The following TP53I13 variants were observed in gnomAD, a reference collection of about 807,000 sequenced individuals.
TP53I13 encodes the protein tumor protein p53 inducible protein 13, also known as tumor protein p53-inducible protein 13.
Under a neutral mutation model 39.1 loss-of-function variants are expected in TP53I13, and 27 were observed. That is an observed-to-expected ratio of 0.69 (90% CI 0.51 to 0.95). TP53I13 has a LOEUF of 0.95. Among genes scored for constraint, TP53I13 ranks in the 40% least tolerant of loss-of-function variants. The pLI is 0.00. For synonymous variants in TP53I13, 230 were observed against 224.6 expected, an observed-to-expected ratio of 1.02 and a Z score of -0.22; for missense variants, 544 against 520.4, an observed-to-expected ratio of 1.05 and a Z score of -0.44.
chr17:29,578,531 A>G, the TP53I13 span, among the ~76,000 whole-genome samples: 1 of 152,206 alleles, frequency 6.6e-6, no homozygotes, highest in Non-Finnish European at 1.5e-5. Flanking sequence ...ATCATGTTCC[A>G]AACTCCAAGG....
downstream of TP53I13, chr17:29,577,747 AG>A: frequency 6.3e-7 from 1 of 1,586,306 alleles, no homozygotes; most frequent in Non-Finnish European, 8.7e-7. Context: ...GCCACACTGT[AG>A]GGGACGGACA....
rs2032812200 is a variant in TP53I13 at position 29,568,884 on chromosome 17, C to T, written c.72+54C>T. 1.3e-6 allele frequency: 2 copies of T among 1,599,194 alleles called. No individual in the cohort carries two copies. Among genetic ancestry groups the T allele is most frequent in the Non-Finnish European group, 1.7e-6 (2 of 1,178,098 alleles). ...CGGCCCGCGAGCTCAAAGCGCTTTG[C>T]CAAAAGTTCGTCCTGGAAGGAGTGG... On this transcript the variant is annotated intron_variant, in intron 1 of 6. Coordinates refer to ENST00000301057, the MANE Select transcript of TP53I13 (RefSeq NM_138349.4). This position sits in a 1 kb window ranked among gnomAD's most constrained non-coding sequence, Gnocchi z 4.5.
At chr17:29,572,115 G>T (rs780298645) in intron 5 of TP53I13, 27 bp from the exon 6 acceptor site, 1 of 1,610,336 alleles carries the variant, frequency 6.2e-7, no homozygotes, top group Non-Finnish European at 8.5e-7. Context: ...GGGGCAGCAG[G>T]GTGATTGCTC....
At chr17:29,575,493 A>G, downstream of TP53I13, 3 of 1,591,776 alleles carry the variant, frequency 1.9e-6, no homozygotes, top group Non-Finnish European at 2.6e-6. The surrounding 1 kb of genome is among the most constrained non-coding windows in gnomAD (Gnocchi z 5.5). Flanking sequence ...TCCAGAAAAC[A>G]GAGACAAAGA....
At chr17:29,567,060 G>T, upstream of TP53I13, 1 of 1,089,064 alleles carries the variant, frequency 9.2e-7, no homozygotes, top group African/African-American at 1.7e-5. This position sits in a 1 kb window ranked among gnomAD's most constrained non-coding sequence, Gnocchi z 6.6. Flanking sequence ...GCCGGCGGCG[G>T]CTGCCCAGGG....
At chr17:29,567,132 C>A (rs1217139626), upstream of TP53I13, 5 of 346,154 alleles carry the variant, frequency 1.4e-5, no homozygotes, top group Non-Finnish European at 2.2e-5. The surrounding 1 kb of genome is among the most constrained non-coding windows in gnomAD (Gnocchi z 6.6). Flanking sequence ...AGTTCGGGCC[C>A]GGCTGCCCTC....
At chr17:29,576,736 G>GT (rs2033219067), downstream of TP53I13, 3 of 1,600,754 alleles carry the variant, frequency 1.9e-6, no homozygotes, top group Admixed American at 3.3e-5. Flanking sequence ...CCCGCAGGGG[G>GT]CAGTTATTGA....
the TP53I13 span, chr17:29,581,494 G>A: frequency 4.6e-6 from 4 of 875,340 alleles, no homozygotes; most frequent in African/African-American, 1.6e-5. This position sits in a 1 kb window ranked among gnomAD's most constrained non-coding sequence, Gnocchi z 4.8. Flanking sequence ...AGGGGAAAGT[G>A]GGGAGGGCAG....
Position 29,568,898 on chromosome 17 carries a change from TG to T in TP53I13, c.72+70del. On this transcript the variant is annotated intron_variant, in intron 1 of 6. Transcript: ENST00000301057. The surrounding 1 kb of genome is among the most constrained non-coding windows in gnomAD (Gnocchi z 4.5). ...AAAGCGCTTTGCCAAAAGTTCGTCC[TG>T]GAAGGAGTGGCGCGCCGAGGGGGAC... 1 of 1,598,324 alleles carries T rather than the reference TG, an allele frequency of 6.3e-7. No homozygotes were observed. Among genetic ancestry groups the T allele is most frequent in the Non-Finnish European group, 8.5e-7 (1 of 1,177,060 alleles).
chr17:29,576,267 G>T, downstream of TP53I13: 1 of 1,610,390 alleles, frequency 6.2e-7, no homozygotes, highest in Non-Finnish European at 8.5e-7. Context: ...TCCCCAGGGG[G>T]GCCCCCAAAG....
At chr17:29,574,083 A>G (rs1263296803), downstream of TP53I13, 1 of 152,362 alleles carries the variant, frequency 6.6e-6, no homozygotes, top group Non-Finnish European at 1.5e-5. Context: ...ACGCGGGGGC[A>G]CTCAGTTACC....
chr17:29,572,965 CGCCGCGA>C lies in TP53I13; in HGVS notation c.*43_*49del, dbSNP rs989403622. ...CACTGTGGCGTGCGGCTCCTCCCCGCGCCGCGAGGCCGCGACCTCTGCCACGTGGACC... is the reference window on the plus strand; with the variant it reads ...CACTGTGGCGTGCGGCTCCTCCCCGCGGCCGCGACCTCTGCCACGTGGACC... On this transcript the variant is annotated 3_prime_UTR_variant, in exon 7 of 7. Transcript: ENST00000301057. 6 of 1,355,394 alleles carry C rather than the reference CGCCGCGA, an allele frequency of 4.4e-6. No homozygotes were observed. In the African/African-American group the frequency reaches 9.2e-5, roughly 21 times the overall value. The allele number at this position is 1,355,394 out of a possible 1,614,324, so 84.0% of individuals were successfully genotyped here.
At chr17:29,572,787 T>C in intron 6 of TP53I13, 25 bp from the exon 7 acceptor site, 1 of 1,506,898 alleles carries the variant, frequency 6.6e-7, no homozygotes, top group Non-Finnish European at 8.9e-7. Context: ...CTCCCGCCCT[T>C]GACTGCTCGG....
downstream of TP53I13, chr17:29,575,095 G>A (rs747688544): frequency 6.3e-7 from 1 of 1,598,792 alleles, no homozygotes; most frequent in Non-Finnish European, 8.6e-7. This position sits in a 1 kb window ranked among gnomAD's most constrained non-coding sequence, Gnocchi z 5.5. Flanking sequence ...GAAGAGGGAG[G>A]CCATCTCGGT....
chr17:29,566,685 C>A (rs781012791), upstream of TP53I13: 3 of 1,592,112 alleles, frequency 1.9e-6, no homozygotes, highest in Non-Finnish European at 2.6e-6. Flanking sequence ...GCGGGCCGGC[C>A]TCCAGCGCCT....
At chr17:29,574,183 T>C (rs191283001), downstream of TP53I13, 508 of 150,800 alleles carry the variant, frequency 3.4e-3, 1 homozygote, top group Non-Finnish European at 5.5e-3. Context: ...AGCACACAGG[T>C]TGGGGCCTGT....
chr17:29,581,855 G>A, the TP53I13 span: 1 of 1,610,992 alleles, frequency 6.2e-7, no homozygotes, highest in Non-Finnish European at 8.5e-7. This position sits in a 1 kb window ranked among gnomAD's most constrained non-coding sequence, Gnocchi z 4.8. Flanking sequence ...AGGGGGTATG[G>A]CTCAGACCTG....
At chr17:29,576,488 G>T, downstream of TP53I13, 2 of 1,613,134 alleles carry the variant, frequency 1.2e-6, no homozygotes, top group Non-Finnish European at 1.7e-6. Flanking sequence ...CTGGAGTCCT[G>T]GGGCTCCCCC....
the TP53I13 span, chr17:29,578,284 T>G: frequency 3.2e-4 from 510 of 1,608,668 alleles, 1 homozygote; most frequent in Non-Finnish European, 3.6e-4. Flanking sequence ...CAGACACTCC[T>G]GCTCCCTGAC....
Sources: allele counts gnomAD v4.1 joint callset (sites outside exome capture counted in the v4.1 genomes callset), GRCh38; gene constraint gnomAD v4.1.1; non-coding constraint Gnocchi (gnomAD v3.1); transcripts MANE v1.5; gene names NCBI Gene and HGNC (gene_info 2026-07-23, HGNC 2026-07-21).